SLC25A26: variants seen among roughly 807,000 people sequenced by gnomAD.
SLC25A26 encodes solute carrier family 25 member 26, also known as mitochondrial S-adenosylmethionine carrier protein.
SLC25A26 carries 36 observed loss-of-function variants against 37.8 expected under a neutral mutation model. That is an observed-to-expected ratio of 0.95 (90% CI 0.73 to 1.26). SLC25A26 has a LOEUF of 1.26. Ranked by LOEUF, SLC25A26 falls within the 50% of genes most tolerant of loss-of-function variation. The probability of loss-of-function intolerance (pLI) is 0.00; values close to 1 mark genes in which losing one functional copy is unlikely to be tolerated. For missense variants in SLC25A26, 390 were observed against 331.1 expected (o/e 1.18, Z -1.38); for synonymous variants, 129 against 122.5 (o/e 1.05, Z -0.35).
intron 1 of SLC25A26, among the ~76,000 whole-genome samples, chr3:66,187,223 C>A (rs2106779096): frequency 6.6e-6 from 1 of 151,834 alleles, no homozygotes; most frequent in Non-Finnish European, 1.5e-5. Context: ...TGTCGCTGAA[C>A]CTGATCTTGA....
intron 1 of SLC25A26, among the ~76,000 whole-genome samples, chr3:66,205,642 C>G (rs2071166718): frequency 6.6e-6 from 1 of 152,220 alleles, no homozygotes; most frequent in South Asian, 2.1e-4. Context: ...CTTTGTCACA[C>G]ATGCAGTTTG....
At chr3:66,192,019 A>T (rs2070952214) in intron 1 of SLC25A26, among the ~76,000 whole-genome samples, 1 of 151,780 alleles carries the variant, frequency 6.6e-6, no homozygotes, top group Admixed American at 6.6e-5. Context: ...TGCCTTTATA[A>T]AAAGAGATTC....
chr3:66,292,167 T>C (rs546975704), intron 5 of SLC25A26, among the ~76,000 whole-genome samples: 2 of 152,296 alleles, frequency 1.3e-5, no homozygotes, highest in South Asian at 4.1e-4. Flanking sequence ...TATTCCTCCA[T>C]CCTTTTATTT....
chr3:66,271,327 G>C (rs899809633), intron 5 of SLC25A26, among the ~76,000 whole-genome samples: 2 of 152,074 alleles, frequency 1.3e-5, no homozygotes, highest in Non-Finnish European at 2.9e-5. Context: ...TCATTCTAAG[G>C]CTGGTGTACT....
chr3:66,139,593 G>A (rs937704448), intron 1 of SLC25A26, among the ~76,000 whole-genome samples: 5 of 152,148 alleles, frequency 3.3e-5, no homozygotes, highest in Non-Finnish European at 5.9e-5. Flanking sequence ...AGATTTAGAG[G>A]GAGGCTGCCT....
chr3:66,170,104 C>A (rs1381291745), intron 1 of SLC25A26, among the ~76,000 whole-genome samples: 2 of 152,114 alleles, frequency 1.3e-5, no homozygotes. Flanking sequence ...TAAGCAAGTT[C>A]CAAATTAAGC....
At chr3:66,253,188 G>T (rs952698212) in intron 3 of SLC25A26, among the ~76,000 whole-genome samples, 3 of 151,758 alleles carry the variant, frequency 2.0e-5, no homozygotes, top group African/African-American at 7.3e-5. Context: ...CGGGCGGATC[G>T]TGAGGTCAGG....
chr3:66,323,359 A>G (rs1167779359), intron 5 of SLC25A26, among the ~76,000 whole-genome samples: 1 of 152,262 alleles, frequency 6.6e-6, no homozygotes, highest in African/African-American at 2.4e-5. Flanking sequence ...AATGTATTAT[A>G]TCAGTTATTG....
At chr3:66,136,940 T>G (rs1181625554) in intron 1 of SLC25A26, among the ~76,000 whole-genome samples, 1 of 152,200 alleles carries the variant, frequency 6.6e-6, no homozygotes, top group African/African-American at 2.4e-5. Context: ...CAATAGTATA[T>G]AAATTTTTGT....
At position 66,322,089 on chromosome 3, in the gene SLC25A26, G is replaced by A. The variant is rs371843639; in HGVS notation, c.454-24275G>A. On this transcript the variant is annotated intron_variant, in intron 5 of 9. Transcript: ENST00000354883. ...AATTTCCAGCACATGAACTTTGGGG[G>A]ACACATTCAAATCATAGCAAATTTG... Among the ~76,000 whole-genome samples the A allele has an allele frequency of 4.8e-4, 73 of 152,182 alleles. 2 individuals carry two copies. In the South Asian group the frequency reaches 0.015, roughly 31 times the overall value.
chr3:66,165,531 G>A (rs1377893131), intron 1 of SLC25A26, among the ~76,000 whole-genome samples: 1 of 152,124 alleles, frequency 6.6e-6, no homozygotes, highest in African/African-American at 2.4e-5. Flanking sequence ...GAGGTCTAGG[G>A]GTGGGGGTGA....
intron 5 of SLC25A26, among the ~76,000 whole-genome samples, chr3:66,344,647 G>A (rs1386628119): frequency 6.6e-6 from 1 of 152,222 alleles, no homozygotes; most frequent in Non-Finnish European, 1.5e-5. Flanking sequence ...CGTGGCGTGT[G>A]CGTGTTCGTG....
At chr3:66,164,729 C>G (rs1226576259) in intron 1 of SLC25A26, among the ~76,000 whole-genome samples, 2 of 152,166 alleles carry the variant, frequency 1.3e-5, no homozygotes, top group African/African-American at 2.4e-5. Context: ...AAAATCTATT[C>G]TTAGCTAATG....
intron 1 of SLC25A26, among the ~76,000 whole-genome samples, chr3:66,232,070 C>A (rs1027180044): frequency 5.3e-5 from 8 of 152,084 alleles, no homozygotes; most frequent in Non-Finnish European, 1.2e-4. Flanking sequence ...AGTAGACATT[C>A]TTGTATATTT....
At position 66,307,618 on chromosome 3, in the gene SLC25A26, A is replaced by G. The variant is rs139818864; in HGVS notation, c.454-38746A>G. Among the ~76,000 whole-genome samples, 101 of 152,128 alleles carry G rather than the reference A, an allele frequency of 6.6e-4. 2 individuals are homozygous for G. The East Asian group carries it at 0.014, about 21-fold the overall frequency. ...AATGGTATTACCTAGGTTTTCTTCT[A>G]TGGTTTTTATGGTTTTAGGTCTTAC... On this transcript the variant is annotated intron_variant, in intron 5 of 9. Transcript: ENST00000354883.
At chr3:66,154,774 G>A (rs1026963412) in intron 1 of SLC25A26, among the ~76,000 whole-genome samples, 2 of 152,094 alleles carry the variant, frequency 1.3e-5, no homozygotes, top group Non-Finnish European at 2.9e-5. Context: ...AAGCCACAGC[G>A]CCCGGCGGGC....
At chr3:66,297,029 A>C (rs1272248131) in intron 5 of SLC25A26, among the ~76,000 whole-genome samples, 5 of 152,294 alleles carry the variant, frequency 3.3e-5, no homozygotes, top group African/African-American at 4.8e-5. Flanking sequence ...TAAGAATAAG[A>C]ATGTTTGGCA....
At chr3:66,218,813 A>C (rs1212592347), upstream of SLC25A26, among the ~76,000 whole-genome samples, 1 of 152,224 alleles carries the variant, frequency 6.6e-6, no homozygotes, top group African/African-American at 2.4e-5. Flanking sequence ...GCCAATAGCT[A>C]GCACTAATCT....
intron 1 of SLC25A26, among the ~76,000 whole-genome samples, chr3:66,212,478 T>C (rs972077156): frequency 3.9e-5 from 6 of 152,156 alleles, no homozygotes; most frequent in African/African-American, 7.2e-5. Flanking sequence ...TCAGTATATA[T>C]GTATAGGAAA....
Sources: gnomAD v4.1 joint callset for allele counts (sites outside exome capture counted in the v4.1 genomes callset) on GRCh38, gnomAD v4.1.1 for gene constraint, MANE v1.5 for transcripts, NCBI Gene and HGNC (gene_info 2026-07-23, HGNC 2026-07-21) for gene names.